MYO18A: variants seen among roughly 807,000 people sequenced by gnomAD.
MYO18A encodes myosin XVIIIA, also known as unconventional myosin-XVIIIa.
MYO18A carries 78 observed loss-of-function variants against 235.8 expected under a neutral mutation model. The ratio of observed to expected loss-of-function variants is 0.33; its 90% CI spans 0.28 to 0.40. MYO18A has a LOEUF of 0.40. Ranked by LOEUF, MYO18A falls within the 10% of genes least tolerant of loss-of-function variation. The pLI is 1.00. For missense variants in MYO18A, 2,215 were observed against 2,699.3 expected (o/e 0.82, Z 3.98); for synonymous variants, 977 against 1,077.8 (o/e 0.91, Z 1.83).
At position 29,158,456 on chromosome 17, in the gene MYO18A, G is replaced by GC. The variant is rs34326068; in HGVS notation, c.999+7485dup. 0.26 allele frequency among the ~76,000 whole-genome samples: 40,309 copies of GC among 152,174 alleles called. 5,716 individuals are homozygous for GC. Among genetic ancestry groups the GC allele is most frequent in the East Asian group, 0.55 (2,856 of 5,158 alleles). On this transcript the variant is annotated intron_variant, in intron 2 of 41. Transcript: ENST00000527372. The surrounding 1 kb of genome is among the most constrained non-coding windows in gnomAD (Gnocchi z 4.3). ...ACCATGCGGGACTCTTGAATTGGCT[G>GC]CCCCCCATCAAACTGCACAGCAGAG...
chr17:29,096,166 C>T (rs2066514062), intron 28 of MYO18A, among the ~76,000 whole-genome samples: 1 of 152,204 alleles, frequency 6.6e-6, no homozygotes. Flanking sequence ...AGAAGCCCTT[C>T]CCCTGCAGAG....
At chr17:29,163,911 C>T (rs1567642821) in intron 2 of MYO18A, among the ~76,000 whole-genome samples, 1 of 152,244 alleles carries the variant, frequency 6.6e-6, no homozygotes, top group Non-Finnish European at 1.5e-5. Context: ...GTTTTTGAGA[C>T]AGAGTTTAGC....
Position 29,121,500 on chromosome 17 carries a change from A to G in MYO18A, c.1371+47T>C. ...CAGGGGAAGGGCAGAGAGCCAGGGC[A>G]GGGGGTGGGACCAGGAGTCTGCAGG... On this transcript the variant is annotated intron_variant, in intron 5 of 41. Coordinates refer to ENST00000527372, the MANE Select transcript of MYO18A (RefSeq NM_078471.4). This position sits in a 1 kb window ranked among gnomAD's most constrained non-coding sequence, Gnocchi z 4.2. 1 of 1,533,428 alleles carries G rather than the reference A, an allele frequency of 6.5e-7. No homozygotes were observed. The highest frequency in any genetic ancestry group is 8.8e-7 in the Non-Finnish European group (1 of 1,137,142). The allele number at this position is 1,533,428 out of a possible 1,614,324, so 95.0% of individuals were successfully genotyped here.
intron 21 of MYO18A, among the ~76,000 whole-genome samples, chr17:29,103,071 C>A (rs2066694620): frequency 6.6e-6 from 1 of 152,234 alleles, no homozygotes; most frequent in Non-Finnish European, 1.5e-5. Flanking sequence ...CACCCAGGGG[C>A]CAGCGTGCCT....
At chr17:29,128,513 G>A (rs1310719957) in intron 2 of MYO18A, 2 of 1,276,018 alleles carry the variant, frequency 1.6e-6, no homozygotes, top group South Asian at 2.5e-5. Flanking sequence ...ACTCCTAGAT[G>A]GGCCACTGCC....
intron 28 of MYO18A, 121 bp downstream of exon 28, chr17:29,096,640 C>T (rs111442573): frequency 8.0e-7 from 1 of 1,257,700 alleles, no homozygotes; most frequent in Non-Finnish European, 1.0e-6. Flanking sequence ...AGTGACCAGG[C>T]AAGCAAGGCC....
At chr17:29,154,417 T>G (rs1198241193) in intron 2 of MYO18A, among the ~76,000 whole-genome samples, 1 of 152,144 alleles carries the variant, frequency 6.6e-6, no homozygotes, top group Non-Finnish European at 1.5e-5. Flanking sequence ...AAGAAACCCC[T>G]TTTCTTGTTC....
At chr17:29,167,259 G>A (rs1036339351) in intron 1 of MYO18A, among the ~76,000 whole-genome samples, 91 of 152,080 alleles carry the variant, frequency 6.0e-4, no homozygotes, top group Non-Finnish European at 2.2e-4. Flanking sequence ...GGCGGTAAAA[G>A]CCCAGATTCC....
intron 41 of MYO18A, chr17:29,080,065 C>T (rs1189003488): frequency 7.1e-6 from 7 of 985,822 alleles, no homozygotes; most frequent in East Asian, 1.1e-4. Flanking sequence ...GCTCCTTCGC[C>T]GGCTCCGGCT....
chr17:29,121,692 T>G lies in MYO18A; in HGVS notation c.1226A>C (p.Asp409Ala). ...ATTGAGGTACACCAGTGAGGCCAGA[T>G]CCTCCAGACGGTCGCAGGAGGGAGC... The part of the protein sequence containing the change: ...ANAPSCDRLE[D>A]LASLVYLNES... The change falls in exon 5 of 42, where the codon GAT (aspartate) becomes GCT (alanine). Residue 409 changes from aspartate to alanine, a missense_variant. By Grantham distance (126) the Asp-to-Ala change is moderately radical. Coordinates refer to ENST00000527372, the MANE Select transcript of MYO18A (RefSeq NM_078471.4). This position sits in a 1 kb window ranked among gnomAD's most constrained non-coding sequence, Gnocchi z 4.2. 1 of 1,564,924 alleles carries G rather than the reference T, an allele frequency of 6.4e-7. No individual in the cohort carries two copies. The highest frequency in any genetic ancestry group is 8.7e-7 in the Non-Finnish European group (1 of 1,154,730).
intron 2 of MYO18A, among the ~76,000 whole-genome samples, chr17:29,159,703 C>T (rs1181177312): frequency 6.6e-6 from 1 of 152,208 alleles, no homozygotes; most frequent in Non-Finnish European, 1.5e-5. Context: ...CCCTTGGAAT[C>T]CTGCAGGCCC....
intron 37 of MYO18A, among the ~76,000 whole-genome samples, chr17:29,088,970 C>CA (rs1475760998): frequency 6.7e-6 from 1 of 149,790 alleles, no homozygotes; most frequent in Non-Finnish European, 1.5e-5. Flanking sequence ...TGCTTGAGCC[C>CA]AGGAGGTCAA....
chr17:29,173,203 C>T (rs1197881082), intron 1 of MYO18A, among the ~76,000 whole-genome samples: 1 of 151,952 alleles, frequency 6.6e-6, no homozygotes, highest in Non-Finnish European at 1.5e-5. Flanking sequence ...AGCAATTCTC[C>T]TGCCTCAGCC....
At chr17:29,145,266 C>T (rs1030443638) in intron 2 of MYO18A, among the ~76,000 whole-genome samples, 20 of 152,286 alleles carry the variant, frequency 1.3e-4, no homozygotes, top group South Asian at 4.1e-4. Context: ...CTGATCTGAA[C>T]GGTGCACGCA....
At chr17:29,110,356 T>C (rs1440762178) in intron 18 of MYO18A, 80 bp downstream of exon 18, 1 of 1,453,494 alleles carries the variant, frequency 6.9e-7, no homozygotes, top group Non-Finnish European at 9.2e-7. Context: ...GGCCTCAGTG[T>C]GCTCGGAGTC....
At chr17:29,083,426 G>T (rs2066166327) in intron 40 of MYO18A, among the ~76,000 whole-genome samples, 1 of 151,558 alleles carries the variant, frequency 6.6e-6, no homozygotes, top group Non-Finnish European at 1.5e-5. Flanking sequence ...ATAGGCTAGG[G>T]TTTCTCCTCG....
At chr17:29,169,231 T>C (rs2068347110) in intron 1 of MYO18A, among the ~76,000 whole-genome samples, 1 of 152,062 alleles carries the variant, frequency 6.6e-6, no homozygotes, top group Non-Finnish European at 1.5e-5. Context: ...TTTGTATTTT[T>C]AGTGGAGATG....
At chr17:29,142,278 C>T (rs1008604309) in intron 2 of MYO18A, among the ~76,000 whole-genome samples, 12 of 152,242 alleles carry the variant, frequency 7.9e-5, no homozygotes, top group Non-Finnish European at 1.5e-4. Context: ...GTGATTCTCA[C>T]ATGCAGCCAA....
chr17:29,172,211 C>T (rs7218172), intron 1 of MYO18A, among the ~76,000 whole-genome samples: 11,451 of 152,178 alleles, frequency 0.075, 582 homozygotes, highest in South Asian at 0.16. Context: ...CAATGGCTCA[C>T]GCCTGTAATC....
Sources: allele counts gnomAD v4.1 joint callset (sites outside exome capture counted in the v4.1 genomes callset), GRCh38; gene constraint gnomAD v4.1.1; non-coding constraint Gnocchi (gnomAD v3.1); transcripts MANE v1.5; gene names NCBI Gene and HGNC (gene_info 2026-07-23, HGNC 2026-07-21).